Variants in CPNE8 observed in about 807,000 individuals in gnomAD.
The protein encoded by CPNE8 is copine-8.
In CPNE8, 45 loss-of-function variants were observed where a neutral mutation model predicts 81.5. That is an observed-to-expected ratio of 0.55 (90% CI 0.44 to 0.71). CPNE8 has a LOEUF of 0.71. Ranked by LOEUF, CPNE8 falls within the 30% of genes least tolerant of loss-of-function variation. The pLI is 0.00. For missense variants in CPNE8, 594 were observed against 672.1 expected (o/e 0.88, Z 1.28); for synonymous variants, 252 against 226.3 (o/e 1.11, Z -1.02).
At chr12:38,797,391 G>A (rs879770510) in intron 6 of CPNE8, among the ~76,000 whole-genome samples, 8 of 152,142 alleles carry the variant, frequency 5.3e-5, no homozygotes, top group Non-Finnish European at 2.9e-5. Flanking sequence ...CGTGTTTCAC[G>A]AAAATCCGCT....
At chr12:38,817,816 G>A (rs1943051992) in intron 6 of CPNE8, among the ~76,000 whole-genome samples, 1 of 151,742 alleles carries the variant, frequency 6.6e-6, no homozygotes, top group African/African-American at 2.4e-5. Context: ...GTAGAGACAG[G>A]GTTTCACTGT....
upstream of CPNE8, chr12:38,905,991 C>T (rs185527368): frequency 3.1e-5 from 31 of 985,426 alleles, no homozygotes; most frequent in African/African-American, 5.2e-4. Flanking sequence ...ACACTCGCCT[C>T]CTGGGCCGCG....
intron 6 of CPNE8, among the ~76,000 whole-genome samples, chr12:38,820,936 A>T (rs1210816528): frequency 6.6e-6 from 1 of 152,164 alleles, no homozygotes; most frequent in East Asian, 1.9e-4. Context: ...ATCTTCTTCA[A>T]CCTAGACCAT....
chr12:38,863,452 C>T (rs970498747), intron 3 of CPNE8, among the ~76,000 whole-genome samples: 22 of 152,156 alleles, frequency 1.4e-4, no homozygotes, highest in Non-Finnish European at 2.6e-4. Flanking sequence ...AACGGAAATG[C>T]TTTCAAACAG....
intron 5 of CPNE8, 45 bp from the exon 6 acceptor site, chr12:38,829,500 C>A: frequency 1.5e-6 from 2 of 1,325,012 alleles, no homozygotes; most frequent in Non-Finnish European, 2.2e-6. Context: ...TCCAAACTAT[C>A]TTTACAGTAT....
Position 38,848,616 on chromosome 12 carries a change from A to T in CPNE8, c.233T>A (p.Val78Glu). ...AAAGTAGTCCAGAATAAACTTTCTT[A>T]CAAAATCAGGATTTAAAGTATTATC... ...VIDNTLNPDFVRKFILDYFFE... is the reference protein window; with the variant it reads ...VIDNTLNPDFERKFILDYFFE... Residue 78 changes from valine (V) to glutamate (E), a missense_variant, in exon 4 of 20, where the codon GTA becomes GAA. Val to Glu is a moderately radical substitution (Grantham distance 121). Coordinates refer to ENST00000331366, the MANE Select transcript of CPNE8 (RefSeq NM_153634.3). The T allele has an allele frequency of 6.3e-7, 1 of 1,595,950 alleles. No homozygotes were observed. Among genetic ancestry groups the T allele is most frequent in the Non-Finnish European group, 8.5e-7 (1 of 1,175,092 alleles).
chr12:38,851,747 C>CA lies in CPNE8; in HGVS notation c.187-3086dup, dbSNP rs571887448. 3.7e-3 allele frequency among the ~76,000 whole-genome samples: 557 copies of CA among 152,274 alleles called. 3 individuals carry two copies. The highest frequency in any genetic ancestry group is 6.3e-3 in the Non-Finnish European group (428 of 68,000). On this transcript the variant is annotated intron_variant, in intron 3 of 19. Transcript: ENST00000331366. ...AACATGCCCATGTCATTCCACCAGC[C>CA]AAAAAATTTTAATGGCTTCCTGTAG... is the stretch of plus-strand genomic sequence containing the variant.
At chr12:38,782,638 TTAAAG>T (rs1045950636) in intron 6 of CPNE8, among the ~76,000 whole-genome samples, 3 of 152,036 alleles carry the variant, frequency 2.0e-5, no homozygotes, top group African/African-American at 7.2e-5. Flanking sequence ...TAGCTTCTGA[TTAAAG>T]TAAACAGGAG....
At chr12:38,720,584 T>C (rs1204838938) in intron 13 of CPNE8, 1 of 133,940 alleles carries the variant, frequency 7.5e-6, no homozygotes, top group African/African-American at 2.8e-5. Context: ...ATGTAAAATA[T>C]AACCAGATAT....
At chr12:38,703,011 C>T (rs1018268336) in intron 13 of CPNE8, 90 bp from the exon 14 acceptor site, 1 of 889,154 alleles carries the variant, frequency 1.1e-6, no homozygotes, top group Non-Finnish European at 1.7e-6. Flanking sequence ...TTTAATGTCA[C>T]TGATTTTCTC....
intron 10 of CPNE8, among the ~76,000 whole-genome samples, chr12:38,747,259 G>A (rs1941247759): frequency 6.6e-6 from 1 of 152,188 alleles, no homozygotes; most frequent in African/African-American, 2.4e-5. Flanking sequence ...TCTCCATTTT[G>A]TGTCTCTTTC....
chr12:38,862,052 T>A (rs931316594), intron 3 of CPNE8, among the ~76,000 whole-genome samples: 3 of 152,084 alleles, frequency 2.0e-5, no homozygotes, highest in South Asian at 2.1e-4. Flanking sequence ...CAAGACATAA[T>A]TTGCTTTCCA....
chr12:38,782,208 T>C (rs1435053946), intron 6 of CPNE8, among the ~76,000 whole-genome samples: 1 of 152,126 alleles, frequency 6.6e-6, no homozygotes, highest in South Asian at 2.1e-4. Flanking sequence ...CATAAAACTA[T>C]TCTAAAATAC....
intron 1 of CPNE8, among the ~76,000 whole-genome samples, chr12:38,897,644 T>C (rs1944406631): frequency 6.7e-6 from 1 of 150,358 alleles, no homozygotes; most frequent in South Asian, 2.1e-4. Context: ...ATTAATATAT[T>C]ACATATTGTA....
intron 4 of CPNE8, among the ~76,000 whole-genome samples, chr12:38,847,250 G>A (rs918809854): frequency 2.6e-5 from 4 of 152,014 alleles, no homozygotes; most frequent in African/African-American, 9.7e-5. Context: ...AAAAACAAAG[G>A]GGGGAACAAA....
At chr12:38,746,493 C>G (rs1941229769) in intron 10 of CPNE8, among the ~76,000 whole-genome samples, 3 of 152,150 alleles carry the variant, frequency 2.0e-5, no homozygotes, top group African/African-American at 4.8e-5. Context: ...CAATAACAAA[C>G]AATGCTGAGG....
chr12:38,750,226 G>C (rs997201089), intron 10 of CPNE8, among the ~76,000 whole-genome samples: 1 of 152,204 alleles, frequency 6.6e-6, no homozygotes, highest in Admixed American at 6.5e-5. Flanking sequence ...CCTCTGCTTA[G>C]ATTTCAAAAG....
rs1485252320 is a variant in CPNE8 at position 38,873,026 on chromosome 12, A to G, written c.164T>C (p.Val55Ala). The stretch of plus-strand genomic sequence containing the variant: ...TACCTCTCTCCATTCTTTATTTCCA[A>G]CTCCTTGTACATATAAGACACAAAC... The part of the protein sequence containing the change: ...DPICVLYVQG[V>A]GNKEWREFGR... The change falls in exon 3 of 20, where the codon GTT becomes GCT. Residue 55 changes from valine to alanine, a missense_variant. By Grantham distance (64) the Val-to-Ala change is moderately conservative. Transcript: ENST00000331366. The G allele has an allele frequency of 2.6e-6, 4 of 1,555,982 alleles. No individual in the cohort carries two copies. Among genetic ancestry groups the G allele is most frequent in the Non-Finnish European group, 3.5e-6 (4 of 1,132,042 alleles).
rs575619012 is a variant in CPNE8 at position 38,810,658 on chromosome 12, A to T, written c.407+18721T>A. ...CAAATTACCATAAACTTAGTGGGCT[A>T]AAACAATATCCATTCATCATTGGTC... is the stretch of plus-strand genomic sequence containing the variant. On this transcript the variant is annotated intron_variant, in intron 6 of 19. Coordinates refer to ENST00000331366, the MANE Select transcript of CPNE8 (RefSeq NM_153634.3). Among the ~76,000 whole-genome samples, 4 of 152,308 alleles carry T rather than the reference A, an allele frequency of 2.6e-5. No individual in the cohort carries two copies. The East Asian group carries it at 7.7e-4, about 29-fold the overall frequency.
Sources: allele counts gnomAD v4.1 joint callset (sites outside exome capture counted in the v4.1 genomes callset), GRCh38; gene constraint gnomAD v4.1.1; transcripts MANE v1.5; gene names NCBI Gene and HGNC (gene_info 2026-07-23, HGNC 2026-07-21).